The following KATNAL2 variants were observed in gnomAD, a reference collection of about 807,000 sequenced individuals.
The protein encoded by KATNAL2 is katanin p60 ATPase-containing subunit A-like 2.
A neutral mutation model predicts 76.3 loss-of-function variants in KATNAL2; 52 were observed. That is an observed-to-expected ratio of 0.68 (90% CI 0.55 to 0.86). The LOEUF (loss-of-function observed/expected upper bound fraction) is 0.86. Ranked by LOEUF, KATNAL2 falls within the 40% of genes least tolerant of loss-of-function variation. KATNAL2 has a pLI of 0.00. For missense variants in KATNAL2, 660 were observed against 668.9 expected, an observed-to-expected ratio of 0.99 and a Z score of 0.15; for synonymous variants, 243 against 244.2, an observed-to-expected ratio of 1.00 and a Z score of 0.05.
chr18:47,093,093 T>G (rs2063072027), intron 15 of KATNAL2, among the ~76,000 whole-genome samples: 1 of 152,242 alleles, frequency 6.6e-6, no homozygotes, highest in South Asian at 2.1e-4. Flanking sequence ...GAAGCTTTTA[T>G]GATCCTTTCT....
At chr18:47,097,780 T>C (rs974226223) in intron 15 of KATNAL2, among the ~76,000 whole-genome samples, 1 of 152,254 alleles carries the variant, frequency 6.6e-6, no homozygotes, top group African/African-American at 2.4e-5. Context: ...GTTTGTTGTA[T>C]AGGTGAACTT....
At chr18:47,065,752 G>A (rs1045285590) in intron 10 of KATNAL2, among the ~76,000 whole-genome samples, 3 of 152,124 alleles carry the variant, frequency 2.0e-5, no homozygotes, top group African/African-American at 7.2e-5. Context: ...GGGAGGCCGA[G>A]GCAGAAGGAT....
intron 11 of KATNAL2, 38 bp downstream of exon 11, chr18:47,067,157 A>G (rs377484289): frequency 1.3e-5 from 14 of 1,059,062 alleles, no homozygotes; most frequent in Non-Finnish European, 2.0e-5. Flanking sequence ...ATTTCTGTTC[A>G]CTATCCATTG....
intron 8 of KATNAL2, among the ~76,000 whole-genome samples, chr18:47,060,595 C>T (rs917808171): frequency 2.0e-5 from 3 of 152,212 alleles, no homozygotes; most frequent in Non-Finnish European, 4.4e-5. Flanking sequence ...TGGTCATACT[C>T]TCCAAGGTTG....
At chr18:47,075,220 C>A in intron 13 of KATNAL2, 57 bp from the exon 14 acceptor site, 1 of 1,354,258 alleles carries the variant, frequency 7.4e-7, no homozygotes, top group Non-Finnish European at 9.9e-7. Context: ...ACTCTGGGAG[C>A]ATCTGAGGAC....
chr18:47,071,904 A>AT (rs1396323413), intron 13 of KATNAL2, among the ~76,000 whole-genome samples: 1 of 146,136 alleles, frequency 6.8e-6, no homozygotes, highest in African/African-American at 2.5e-5. Flanking sequence ...AAAAAAATTA[A>AT]TTAAAAAAAA....
At chr18:47,074,714 G>C (rs1008327701) in intron 13 of KATNAL2, among the ~76,000 whole-genome samples, 1 of 151,896 alleles carries the variant, frequency 6.6e-6, no homozygotes, top group East Asian at 1.9e-4. Flanking sequence ...ATTGCCTTCC[G>C]TACCTAAGCC....
intron 1 of KATNAL2, among the ~76,000 whole-genome samples, chr18:46,922,234 G>T (rs2058589593): frequency 6.6e-6 from 1 of 151,420 alleles, no homozygotes; most frequent in African/African-American, 2.4e-5. Flanking sequence ...CAAGTAGCTG[G>T]GACCACGGGC....
chr18:47,081,004 TTCCCTCCTTCCC>T (rs1041437566), intron 15 of KATNAL2, among the ~76,000 whole-genome samples: 3 of 149,846 alleles, frequency 2.0e-5, no homozygotes, highest in African/African-American at 7.3e-5. Flanking sequence ...CCCTCCTTCC[TTCCCTCCTTCCC>T]TCCTCCCTTT....
At chr18:47,086,488 T>C (rs2062779492) in intron 15 of KATNAL2, among the ~76,000 whole-genome samples, 1 of 152,200 alleles carries the variant, frequency 6.6e-6, no homozygotes, top group Admixed American at 6.5e-5. Flanking sequence ...GCTAATTTTT[T>C]GTATTTTTAG....
At chr18:47,040,973 C>T (rs1158648783) in intron 3 of KATNAL2, among the ~76,000 whole-genome samples, 1 of 152,058 alleles carries the variant, frequency 6.6e-6, no homozygotes, top group South Asian at 2.1e-4. Context: ...ACATGATCTG[C>T]CAAGGAACTA....
At chr18:47,034,736 G>T in intron 3 of KATNAL2, 1 of 1,613,004 alleles carries the variant, frequency 6.2e-7, no homozygotes, top group African/African-American at 1.3e-5. Context: ...ATCCGGAGGG[G>T]AGCTGTGCGC....
intron 3 of KATNAL2, among the ~76,000 whole-genome samples, chr18:46,960,828 G>A (rs2059915947): frequency 6.6e-6 from 1 of 152,190 alleles, no homozygotes; most frequent in Admixed American, 6.5e-5. Context: ...TGATTTGCAA[G>A]TAACTAAACT....
chr18:47,079,764 A>G (rs2062419807), intron 15 of KATNAL2, among the ~76,000 whole-genome samples: 1 of 152,062 alleles, frequency 6.6e-6, no homozygotes, highest in African/African-American at 2.4e-5. Flanking sequence ...TCATGGTAGT[A>G]GGGTTGTTCT....
intron 3 of KATNAL2, among the ~76,000 whole-genome samples, chr18:46,953,292 T>C (rs1300732326): frequency 2.6e-5 from 4 of 152,204 alleles, no homozygotes; most frequent in African/African-American, 9.6e-5. Flanking sequence ...GTCTTTCATG[T>C]GGGATATTTT....
chr18:47,053,797 C>T (rs933078926), intron 5 of KATNAL2, among the ~76,000 whole-genome samples: 1 of 152,204 alleles, frequency 6.6e-6, no homozygotes, highest in Non-Finnish European at 1.5e-5. Context: ...TATCTGAGCT[C>T]CCTTCCAATG....
chr18:46,960,232 A>G (rs1029963632), intron 3 of KATNAL2, among the ~76,000 whole-genome samples: 1 of 152,126 alleles, frequency 6.6e-6, no homozygotes, highest in Non-Finnish European at 1.5e-5. Flanking sequence ...AAGGTCAGGC[A>G]TTTGAGACTA....
At chr18:47,043,789 A>T (rs1003020802) in intron 3 of KATNAL2, among the ~76,000 whole-genome samples, 2 of 149,944 alleles carry the variant, frequency 1.3e-5, no homozygotes, top group Non-Finnish European at 3.0e-5. Flanking sequence ...GTTGAAAAGT[A>T]ACCTAATAAA....
In KATNAL2 at chr18:46,919,951, G is replaced by A; in HGVS notation, c.-510+2025G>A. ...TGGGAGGAGTTTTCGGGGAATAGAC[G>A]AATAGAGTACAATACAGCCCTGCCA... On this transcript the variant is annotated intron_variant, in intron 1 of 17. Coordinates refer to ENST00000683218, the MANE Select transcript of KATNAL2 (RefSeq NM_001387690.1). 4.5e-6 allele frequency: 3 copies of A among 665,546 alleles called. 1 individual carries two copies. The highest frequency in any genetic ancestry group is 3.0e-5 in the South Asian group (2 of 67,344). 41.2% of individuals were successfully genotyped at this position (665,546 alleles called of 1,614,324 possible).
Sources: gnomAD v4.1 joint callset for allele counts (sites outside exome capture counted in the v4.1 genomes callset) on GRCh38, gnomAD v4.1.1 for gene constraint, MANE v1.5 for transcripts, NCBI Gene and HGNC (gene_info 2026-07-23, HGNC 2026-07-21) for gene names.